The following OPCML variants were observed in gnomAD, a reference collection of about 807,000 sequenced individuals.
OPCML encodes opioid-binding protein/cell adhesion molecule.
OPCML carries 13 observed loss-of-function variants against 37.8 expected under a neutral mutation model. The observed-to-expected ratio is 0.34, with a 90% CI of 0.22 to 0.55. The LOEUF is 0.55. Ranked by LOEUF, OPCML falls within the 20% of genes least tolerant of loss-of-function variation. The pLI, the probability that OPCML is intolerant of heterozygous loss-of-function variation, is 0.91. For synonymous variants in OPCML, 176 were observed against 168.8 expected, an observed-to-expected ratio of 1.04 and a Z score of -0.33; for missense variants, 341 against 435.6, an observed-to-expected ratio of 0.78 and a Z score of 1.93.
At chr11:132,670,173 T>G (rs1175078317) in intron 2 of OPCML, among the ~76,000 whole-genome samples, 1 of 152,144 alleles carries the variant, frequency 6.6e-6, no homozygotes, top group East Asian at 1.9e-4. Flanking sequence ...TCTGTCTCAG[T>G]ATCATCCATG....
intron 1 of OPCML, among the ~76,000 whole-genome samples, chr11:133,260,981 G>A (rs1451582081): frequency 2.6e-5 from 4 of 152,134 alleles, no homozygotes; most frequent in Admixed American, 6.5e-5. Flanking sequence ...TGGCATCTCC[G>A]AAGTGCAGCT....
chr11:133,218,536 G>A (rs1939682589), intron 1 of OPCML, among the ~76,000 whole-genome samples: 2 of 152,152 alleles, frequency 1.3e-5, no homozygotes, highest in African/African-American at 2.4e-5. Context: ...AACAAAGACG[G>A]TGAACTAGTG....
At position 132,855,267 on chromosome 11, in the gene OPCML, T is replaced by C. The variant is rs1054319389; in HGVS notation, c.146+87659A>G. 1.9e-4 allele frequency among the ~76,000 whole-genome samples: 29 copies of C among 152,286 alleles called. 1 individual carries two copies. Among genetic ancestry groups the C allele is most frequent in the Non-Finnish European group, 2.9e-5 (2 of 68,022 alleles). On this transcript the variant is annotated intron_variant, in intron 2 of 7. Transcript: ENST00000524381. ...ACTCATGACCCAGAGGTGGACTCAATGCGCAAGGGCCATTTTCCATACTCC... is the reference window on the plus strand; with the variant it reads ...ACTCATGACCCAGAGGTGGACTCAACGCGCAAGGGCCATTTTCCATACTCC...
At chr11:133,351,807 C>A (rs1944144374) in intron 1 of OPCML, among the ~76,000 whole-genome samples, 1 of 152,058 alleles carries the variant, frequency 6.6e-6, no homozygotes, top group Non-Finnish European at 1.5e-5. Flanking sequence ...AATTTCATGC[C>A]ATGCCATACC....
At chr11:133,365,255 T>C (rs1227723850) in intron 1 of OPCML, 6 of 152,192 alleles carry the variant, frequency 3.9e-5, no homozygotes, top group Non-Finnish European at 2.9e-5. Context: ...TTGTCTTCAT[T>C]TGGAATGCTA....
At chr11:133,140,587 A>AAAGAAAG (rs1385649410) in intron 1 of OPCML, among the ~76,000 whole-genome samples, 4 of 131,786 alleles carry the variant, frequency 3.0e-5, no homozygotes, top group Admixed American at 8.1e-5. Flanking sequence ...AAAGAAGAAA[A>AAAGAAAG]AAGAAAGAAG....
intron 2 of OPCML, among the ~76,000 whole-genome samples, chr11:132,876,526 C>T (rs933031838): frequency 4.6e-5 from 7 of 152,272 alleles, no homozygotes; most frequent in African/African-American, 1.2e-4. Context: ...GACAGCACCT[C>T]GAGTCCCATT....
chr11:133,155,147 AAC>A (rs1394109728), intron 1 of OPCML, among the ~76,000 whole-genome samples: 2 of 152,110 alleles, frequency 1.3e-5, no homozygotes, highest in Admixed American at 6.5e-5. Context: ...AGTGAAAACC[AAC>A]AGTCTGTGAG....
intron 1 of OPCML, chr11:133,117,952 T>A (rs1949361658): frequency 1.0e-6 from 1 of 984,462 alleles, no homozygotes; most frequent in Non-Finnish European, 1.2e-6. Context: ...GCTGTCCAAG[T>A]TCCCCCATCC....
chr11:132,930,472 C>T (rs903234479), intron 2 of OPCML, among the ~76,000 whole-genome samples: 1 of 152,086 alleles, frequency 6.6e-6, no homozygotes, highest in African/African-American at 2.4e-5. Flanking sequence ...GTAGAAAACT[C>T]TGAAGATTCC....
chr11:133,198,566 T>C (rs901056389), intron 1 of OPCML, among the ~76,000 whole-genome samples: 92 of 152,298 alleles, frequency 6.0e-4, no homozygotes, highest in African/African-American at 2.1e-3. Flanking sequence ...AGAAAGGCGT[T>C]GTCAGGGGAG....
rs146275835 is a variant in OPCML, at chr11:132,536,720, T to C, written c.380-7534A>G. ...TTTGCATTTTAATAGAAATGTTTAT[T>C]TCTTAAACCAGAAGCAAATTGAGAA... On this transcript the variant is annotated intron_variant, in intron 3 of 7. Transcript: ENST00000524381. 7.2e-5 allele frequency among the ~76,000 whole-genome samples: 11 copies of C among 152,360 alleles called. No individual in the cohort carries two copies. The East Asian group carries it at 2.1e-3, about 29-fold the overall frequency.
intron 2 of OPCML, among the ~76,000 whole-genome samples, chr11:132,879,790 G>A (rs1943157629): frequency 6.6e-6 from 1 of 151,890 alleles, no homozygotes; most frequent in African/African-American, 2.4e-5. Flanking sequence ...CAATAGTAGT[G>A]GGAGATATTC....
chr11:132,699,046 A>G (rs1168174114), intron 2 of OPCML, among the ~76,000 whole-genome samples: 1 of 151,754 alleles, frequency 6.6e-6, no homozygotes. Flanking sequence ...TTTTTCATCA[A>G]TCTCTTATAG....
chr11:133,467,777 C>A (rs1947010243), intron 1 of OPCML, among the ~76,000 whole-genome samples: 1 of 152,134 alleles, frequency 6.6e-6, no homozygotes, highest in Non-Finnish European at 1.5e-5. Flanking sequence ...TCAGGGTGCC[C>A]AACTTCTTTG....
At chr11:133,143,114 G>C (rs749709462) in intron 1 of OPCML, among the ~76,000 whole-genome samples, 21 of 152,138 alleles carry the variant, frequency 1.4e-4, no homozygotes, top group Non-Finnish European at 2.5e-4. Flanking sequence ...GAGTGTAGCT[G>C]GATGTTGGAT....
intron 3 of OPCML, among the ~76,000 whole-genome samples, chr11:132,584,771 T>C (rs2096468969): frequency 6.6e-6 from 1 of 152,192 alleles, no homozygotes; most frequent in Non-Finnish European, 1.5e-5. Flanking sequence ...AACAATGTAA[T>C]TGGGCAAAGA....
chr11:132,985,748 C>T (rs1231367719), intron 1 of OPCML, among the ~76,000 whole-genome samples: 1 of 152,198 alleles, frequency 6.6e-6, no homozygotes, highest in Non-Finnish European at 1.5e-5. Context: ...TGCACTAGGT[C>T]CATCTTACAA....
chr11:133,093,903 A>G (rs1467202357), intron 1 of OPCML, among the ~76,000 whole-genome samples: 1 of 152,198 alleles, frequency 6.6e-6, no homozygotes. Context: ...GATAAATCTT[A>G]ATTTTAATCT....
Sources: allele counts gnomAD v4.1 joint callset (sites outside exome capture counted in the v4.1 genomes callset), GRCh38; gene constraint gnomAD v4.1.1; transcripts MANE v1.5; gene names NCBI Gene and HGNC (gene_info 2026-07-23, HGNC 2026-07-21).